Variants in CSMD1 observed in about 807,000 individuals in gnomAD.
The protein encoded by CSMD1 is CUB and Sushi multiple domains 1, also known as CUB and sushi domain-containing protein 1.
Under a neutral mutation model 417.5 loss-of-function variants are expected in CSMD1, and 213 were observed. The observed-to-expected ratio is 0.51, with a 90% confidence interval of 0.46 to 0.57. The LOEUF (loss-of-function observed/expected upper bound fraction) is 0.57. Among genes scored for constraint, CSMD1 ranks in the 20% least tolerant of loss-of-function variants. The pLI is 0.00. For missense variants in CSMD1, 6,923 were observed against 4,529.7 expected, an observed-to-expected ratio of 1.53 and a Z score of -15.17; for synonymous variants, 2,862 against 1,736.8, an observed-to-expected ratio of 1.65 and a Z score of -16.11.
chr8:4,133,812 T>C (rs905342577), intron 3 of CSMD1, among the ~76,000 whole-genome samples: 7 of 152,210 alleles, frequency 4.6e-5, no homozygotes, highest in African/African-American at 1.4e-4. Context: ...ACTCTGACCA[T>C]GCCTGATCTC....
chr8:3,515,935 G>A (rs919001756), intron 10 of CSMD1, among the ~76,000 whole-genome samples: 33 of 152,206 alleles, frequency 2.2e-4, no homozygotes, highest in African/African-American at 7.5e-4. Flanking sequence ...ATGAATACTA[G>A]TATGTGTTTG....
intron 3 of CSMD1, among the ~76,000 whole-genome samples, chr8:4,381,192 G>C (rs1236885583): frequency 6.6e-6 from 1 of 152,176 alleles, no homozygotes; most frequent in Admixed American, 6.5e-5. Flanking sequence ...CTACGGTACT[G>C]ATAAAATTTG....
chr8:3,343,507 C>T (rs1206009649), intron 22 of CSMD1, 57 bp from the exon 23 acceptor site: 1 of 1,474,648 alleles, frequency 6.8e-7, no homozygotes, highest in African/African-American at 1.4e-5. Flanking sequence ...CTTATGTTAG[C>T]AATGGTAATA....
intron 7 of CSMD1, among the ~76,000 whole-genome samples, chr8:3,621,191 G>T (rs1454655422): frequency 2.0e-5 from 3 of 152,154 alleles, no homozygotes; most frequent in Non-Finnish European, 2.9e-5. Context: ...AATTTCTGTT[G>T]TTTAAGCCAC....
At chr8:3,611,655 A>G (rs1325959914) in intron 8 of CSMD1, among the ~76,000 whole-genome samples, 2 of 152,168 alleles carry the variant, frequency 1.3e-5, no homozygotes, top group South Asian at 4.1e-4. Context: ...ATCTATCATC[A>G]TGAGTTTGAC....
At chr8:4,091,237 G>C (rs1033341369) in intron 3 of CSMD1, among the ~76,000 whole-genome samples, 3 of 151,854 alleles carry the variant, frequency 2.0e-5, no homozygotes, top group African/African-American at 7.3e-5. Flanking sequence ...TCTTAAAGGT[G>C]AATAATGAGG....
intron 3 of CSMD1, among the ~76,000 whole-genome samples, chr8:4,232,934 A>G (rs1396559898): frequency 6.6e-6 from 1 of 152,200 alleles, no homozygotes; most frequent in Non-Finnish European, 1.5e-5. Flanking sequence ...TGTTCCAAAA[A>G]GTTTTCTGCA....
intron 21 of CSMD1, among the ~76,000 whole-genome samples, chr8:3,350,569 G>A (rs1808351857): frequency 1.3e-5 from 2 of 152,050 alleles, no homozygotes; most frequent in African/African-American, 2.4e-5. Flanking sequence ...TCACACTACT[G>A]TTCATAATTA....
At position 4,666,229 on chromosome 8, in the gene CSMD1, T is replaced by C. The variant is rs890865423; in HGVS notation, c.86-28671A>G. 4.6e-5 allele frequency among the ~76,000 whole-genome samples: 7 copies of C among 152,242 alleles called. No individual in the cohort carries two copies. In the South Asian group the frequency reaches 1.5e-3, roughly 32 times the overall value. ...GAAACTGTGAATATATTATTTAATG[T>C]GGTGGAGGGGAATCAAGGTAACAGA... is the stretch of plus-strand genomic sequence containing the variant. On this transcript the variant is annotated intron_variant, in intron 1 of 69. Coordinates refer to ENST00000635120, the MANE Select transcript of CSMD1 (RefSeq NM_033225.6).
chr8:4,232,804 G>A (rs1463576329), intron 3 of CSMD1, among the ~76,000 whole-genome samples: 2 of 152,104 alleles, frequency 1.3e-5, no homozygotes, highest in Non-Finnish European at 1.5e-5. Flanking sequence ...AATGTCAGGT[G>A]CCTCGAAATC....
At chr8:3,645,385 GTT>G (rs1797525416) in intron 7 of CSMD1, among the ~76,000 whole-genome samples, 1 of 152,236 alleles carries the variant, frequency 6.6e-6, no homozygotes, top group Non-Finnish European at 1.5e-5. Context: ...CCAGATTGGG[GTT>G]GAAGCTCGGC....
At chr8:4,833,176 A>G (rs1319318747) in intron 1 of CSMD1, among the ~76,000 whole-genome samples, 1 of 152,004 alleles carries the variant, frequency 6.6e-6, no homozygotes, top group Non-Finnish European at 1.5e-5. Flanking sequence ...CACTGCTATA[A>G]AAAAAACTAT....
intron 2 of CSMD1, among the ~76,000 whole-genome samples, chr8:4,510,020 G>A (rs1197194604): frequency 6.6e-6 from 1 of 152,118 alleles, no homozygotes; most frequent in Non-Finnish European, 1.5e-5. Context: ...CATGTTGTGG[G>A]AGGGACCCGG....
At chr8:3,503,689 A>C (rs988535141) in intron 10 of CSMD1, among the ~76,000 whole-genome samples, 1 of 152,194 alleles carries the variant, frequency 6.6e-6, no homozygotes, top group African/African-American at 2.4e-5. Flanking sequence ...ACAGCTAAAG[A>C]AGCTGGATGT....
intron 1 of CSMD1, among the ~76,000 whole-genome samples, chr8:4,863,292 A>G (rs1181041652): frequency 6.6e-6 from 1 of 152,060 alleles, no homozygotes; most frequent in Admixed American, 6.5e-5. Context: ...GGCGCATGGT[A>G]TATAAAAAGC....
At chr8:4,797,189 C>A (rs527283584) in intron 1 of CSMD1, among the ~76,000 whole-genome samples, 3 of 152,168 alleles carry the variant, frequency 2.0e-5, no homozygotes, top group African/African-American at 7.2e-5. Context: ...AGGCAGCTGA[C>A]TGAAGCCCAC....
At chr8:4,349,809 TATG>T (rs1215127725) in intron 3 of CSMD1, among the ~76,000 whole-genome samples, 2 of 148,614 alleles carry the variant, frequency 1.3e-5, no homozygotes, top group African/African-American at 2.6e-5. Context: ...AAAATTAAAA[TATG>T]ATATGACCTT....
chr8:3,692,150 TAATGACCATGGCCCTAC>T (rs1800284042), intron 7 of CSMD1, among the ~76,000 whole-genome samples: 1 of 152,216 alleles, frequency 6.6e-6, no homozygotes. Context: ...TCCCAGCCGC[TAATGACCATGGCCCTAC>T]AACATTGTTT....
At chr8:3,403,911 T>C (rs1199396560) in intron 15 of CSMD1, among the ~76,000 whole-genome samples, 1 of 152,188 alleles carries the variant, frequency 6.6e-6, no homozygotes, top group Non-Finnish European at 1.5e-5. Flanking sequence ...GTGATGGAAA[T>C]ACATACAAAT....
Sources: allele counts gnomAD v4.1 joint callset (sites outside exome capture counted in the v4.1 genomes callset), GRCh38; gene constraint gnomAD v4.1.1; transcripts MANE v1.5; gene names NCBI Gene and HGNC (gene_info 2026-07-23, HGNC 2026-07-21).